DCBLD1: variants seen among roughly 807,000 people sequenced by gnomAD.
The protein encoded by DCBLD1 is discoidin, CUB and LCCL domain-containing protein 1.
A neutral mutation model predicts 71.5 loss-of-function variants in DCBLD1; 57 were observed. That is an observed-to-expected ratio of 0.80 (90% confidence interval 0.64 to 0.99). DCBLD1 has a LOEUF of 0.99. Among genes scored for constraint, DCBLD1 ranks in the 50% least tolerant of loss-of-function variants. The pLI is 0.00. For synonymous variants in DCBLD1, 380 were observed against 363.8 expected (o/e 1.04, Z -0.51); for missense variants, 891 against 923.5 (o/e 0.96, Z 0.46).
chr6:117,510,207 C>T (rs1777971045), intron 2 of DCBLD1, among the ~76,000 whole-genome samples: 1 of 152,166 alleles, frequency 6.6e-6, no homozygotes, highest in Non-Finnish European at 1.5e-5. Flanking sequence ...CCTTCATCTC[C>T]ATGCCATTTC....
chr6:117,498,687 A>G (rs1041664831), intron 1 of DCBLD1, among the ~76,000 whole-genome samples: 1 of 152,162 alleles, frequency 6.6e-6, no homozygotes, highest in Non-Finnish European at 1.5e-5. Flanking sequence ...TCATCCATCT[A>G]TAGCAACCAT....
At chr6:117,544,671 T>C in intron 13 of DCBLD1, 94 bp downstream of exon 13, 2 of 1,404,736 alleles carry the variant, frequency 1.4e-6, no homozygotes, top group Non-Finnish European at 9.9e-7. Flanking sequence ...GGCCCACATT[T>C]ATTTGGTTAA....
At chr6:117,502,081 A>G (rs1562434860) in intron 1 of DCBLD1, among the ~76,000 whole-genome samples, 1 of 152,010 alleles carries the variant, frequency 6.6e-6, no homozygotes, top group African/African-American at 2.4e-5. Flanking sequence ...TAGCCTGCCT[A>G]CTGCTCCTCT....
chr6:117,537,186 G>C lies in DCBLD1; in HGVS notation c.721G>C (p.Gly241Arg). 6.2e-7 allele frequency: 1 copy of C among 1,613,950 alleles called. No individual in the cohort carries two copies. Among genetic ancestry groups the C allele is most frequent in the Non-Finnish European group, 8.5e-7 (1 of 1,179,916 alleles). ...TCATGTTTGTCTTTATTGTTTCAGT[G>C]GTTCCCTGTCAGACAAGCGATTTCT... ...ILANGVLSRD[G>R]SLSDKRFLFT... Residue 241 changes from glycine to arginine, a missense_variant and splice_region_variant, in exon 7 of 15, where the codon GGT (glycine) becomes CGT (arginine). Transcript: ENST00000338728.
chr6:117,497,567 C>T (rs1029588243), intron 1 of DCBLD1, among the ~76,000 whole-genome samples: 1 of 152,150 alleles, frequency 6.6e-6, no homozygotes, highest in South Asian at 2.1e-4. Flanking sequence ...AGAGACCTAT[C>T]CATTAATTTC....
intron 14 of DCBLD1, among the ~76,000 whole-genome samples, chr6:117,545,825 T>C (rs1175277053): frequency 1.3e-5 from 2 of 152,244 alleles, no homozygotes; most frequent in Admixed American, 6.5e-5. Context: ...GTGACATCCA[T>C]AGTGATAGCC....
intron 1 of DCBLD1, among the ~76,000 whole-genome samples, chr6:117,501,348 G>A (rs543860559): frequency 6.6e-6 from 1 of 152,194 alleles, no homozygotes; most frequent in Admixed American, 6.5e-5. Flanking sequence ...TGTTGTTGTT[G>A]TTGTTGAGAC....
At chr6:117,507,215 A>G (rs1233424740) in intron 2 of DCBLD1, among the ~76,000 whole-genome samples, 1 of 152,190 alleles carries the variant, frequency 6.6e-6, no homozygotes, top group African/African-American at 2.4e-5. Context: ...CACCATGTCA[A>G]TTTTGTTTTA....
At chr6:117,520,240 A>C (rs905781237) in intron 3 of DCBLD1, among the ~76,000 whole-genome samples, 1 of 152,174 alleles carries the variant, frequency 6.6e-6, no homozygotes, top group African/African-American at 2.4e-5. Context: ...ATTTGCAAAA[A>C]ATTTTTATAA....
intron 14 of DCBLD1, among the ~76,000 whole-genome samples, chr6:117,568,450 G>A (rs1401426945): frequency 6.6e-6 from 1 of 152,108 alleles, no homozygotes; most frequent in African/African-American, 2.4e-5. Context: ...TGCTTAGTTA[G>A]CATTTCCTTA....
intron 12 of DCBLD1, 69 bp from the exon 13 acceptor site, chr6:117,544,459 T>C (rs752603273): frequency 3.3e-6 from 5 of 1,512,986 alleles, no homozygotes; most frequent in East Asian, 2.3e-5. Flanking sequence ...ATGATCCTTA[T>C]GTTATATAGG....
At chr6:117,515,855 T>G (rs1322304630) in intron 2 of DCBLD1, among the ~76,000 whole-genome samples, 1 of 152,184 alleles carries the variant, frequency 6.6e-6, no homozygotes, top group Non-Finnish European at 1.5e-5. Context: ...AAAAGAGCAT[T>G]TCAATTCAAT....
intron 1 of DCBLD1, among the ~76,000 whole-genome samples, chr6:117,488,473 C>T (rs1167581091): frequency 4.0e-5 from 6 of 151,824 alleles, no homozygotes; most frequent in Middle Eastern, 3.4e-3. Flanking sequence ...GCGAAACCCC[C>T]GACTCTACAA....
chr6:117,525,724 G>A (rs1239380176), intron 5 of DCBLD1, among the ~76,000 whole-genome samples: 2 of 152,102 alleles, frequency 1.3e-5, no homozygotes, highest in African/African-American at 4.8e-5. Context: ...CATCCTTTTT[G>A]TTATGGTTTA....
At chr6:117,487,037 C>T (rs13192130) in intron 1 of DCBLD1, among the ~76,000 whole-genome samples, 39,166 of 151,872 alleles carry the variant, frequency 0.26, 5,131 homozygotes, top group South Asian at 0.37. Context: ...ATCTAGAAAC[C>T]ATCCCCCTCC....
At chr6:117,549,934 C>A (rs568043851), downstream of DCBLD1, 40 of 857,362 alleles carry the variant, frequency 4.7e-5, 1 homozygote, top group Middle Eastern at 1.2e-3. Context: ...CCCAATCTAC[C>A]ACAGAAGAGA....
chr6:117,517,791 G>A (rs1268573757), intron 2 of DCBLD1, among the ~76,000 whole-genome samples: 2 of 152,124 alleles, frequency 1.3e-5, no homozygotes, highest in Non-Finnish European at 2.9e-5. Flanking sequence ...TGGAGCAGCT[G>A]GGACACAAGA....
intron 11 of DCBLD1, among the ~76,000 whole-genome samples, chr6:117,542,503 G>A (rs1237317694): frequency 6.6e-6 from 1 of 152,000 alleles, no homozygotes; most frequent in Non-Finnish European, 1.5e-5. Flanking sequence ...CAAACTTGGG[G>A]CCTGCCTTGG....
chr6:117,533,950 G>A (rs536551317), intron 6 of DCBLD1, among the ~76,000 whole-genome samples: 1 of 152,336 alleles, frequency 6.6e-6, no homozygotes, highest in African/African-American at 2.4e-5. Flanking sequence ...AGCAATGCAA[G>A]TAGTACTGTA....
Sources: allele counts gnomAD v4.1 joint callset (sites outside exome capture counted in the v4.1 genomes callset), GRCh38; gene constraint gnomAD v4.1.1; transcripts MANE v1.5; gene names NCBI Gene and HGNC (gene_info 2026-07-23, HGNC 2026-07-21).